ARHGAP42: variants seen among roughly 807,000 people sequenced by gnomAD.
The protein encoded by ARHGAP42 is rho GTPase-activating protein 42.
ARHGAP42 carries 63 observed loss-of-function variants against 125.0 expected under a neutral mutation model. That is an observed-to-expected ratio of 0.50 (90% CI 0.41 to 0.62). The LOEUF (loss-of-function observed/expected upper bound fraction) is 0.62. ARHGAP42 is among the 20% of genes least tolerant of loss of function. The probability of loss-of-function intolerance (pLI) is 0.00; values close to 1 mark genes in which losing one functional copy is unlikely to be tolerated. For synonymous variants in ARHGAP42, 339 were observed against 351.0 expected, an observed-to-expected ratio of 0.97 and a Z score of 0.38; for missense variants, 766 against 1,024.2, an observed-to-expected ratio of 0.75 and a Z score of 3.44.
intron 4 of ARHGAP42, among the ~76,000 whole-genome samples, chr11:100,879,517 A>T (rs1312639343): frequency 6.6e-6 from 1 of 152,214 alleles, no homozygotes; most frequent in Non-Finnish European, 1.5e-5. Flanking sequence ...TCTGTTGGCT[A>T]AAGATAGTAC....
At chr11:100,859,322 A>C (rs1420335775) in intron 3 of ARHGAP42, 2 of 399,462 alleles carry the variant, frequency 5.0e-6, no homozygotes, top group Non-Finnish European at 8.8e-6. Flanking sequence ...ATTTCACCAC[A>C]ACAAGTACTT....
intron 1 of ARHGAP42, among the ~76,000 whole-genome samples, chr11:100,739,260 G>A (rs1200032243): frequency 6.6e-6 from 1 of 151,356 alleles, no homozygotes; most frequent in African/African-American, 2.4e-5. Flanking sequence ...TTGACTTTTG[G>A]TAATTAAAAT....
At chr11:100,700,708 T>C (rs73002002) in intron 1 of ARHGAP42, among the ~76,000 whole-genome samples, 1 of 152,352 alleles carries the variant, frequency 6.6e-6, no homozygotes, top group Non-Finnish European at 1.5e-5. Context: ...TAGGCTCTAC[T>C]GCTAATGCCA....
At chr11:100,780,817 C>A (rs1863294442) in intron 2 of ARHGAP42, among the ~76,000 whole-genome samples, 4 of 152,172 alleles carry the variant, frequency 2.6e-5, no homozygotes, top group African/African-American at 7.2e-5. Flanking sequence ...CATTAAACAA[C>A]CAAAGACGTG....
At chr11:100,855,964 T>C (rs1270919436) in intron 3 of ARHGAP42, among the ~76,000 whole-genome samples, 2 of 152,118 alleles carry the variant, frequency 1.3e-5, no homozygotes, top group African/African-American at 4.8e-5. Flanking sequence ...TTCAATAATT[T>C]ATCTTATCAA....
chr11:100,795,159 G>A lies in ARHGAP42; in HGVS notation c.305G>A (p.Arg102Gln), dbSNP rs1049706895. The change falls in exon 3 of 24, where the codon CGA (arginine) becomes CAA (glutamine). Residue 102 changes from arginine to glutamine, a missense_variant. Around this residue, in one of 3 missense-constraint regions of ARHGAP42, gnomAD observed 455 missense variants for 636.5 expected, o/e 0.71. Coordinates refer to ENST00000298815, the MANE Select transcript of ARHGAP42 (RefSeq NM_152432.4). ...CTCATTGCAGTAGAAGAAGAAAGGC[G>A]AAGACTGGTAAGTCTGTTCTGTATT... ...RLLIAVEEERRRLIQNANDVL... is the reference protein window; with the variant it reads ...RLLIAVEEERQRLIQNANDVL... 7 of 1,539,412 alleles carry A rather than the reference G, an allele frequency of 4.5e-6. No individual in the cohort carries two copies. The highest frequency in any genetic ancestry group is 5.3e-6 in the Non-Finnish European group (6 of 1,140,566).
Position 100,941,864 on chromosome 11 carries a change from A to G in ARHGAP42, c.913A>G (p.Met305Val), listed in dbSNP as rs974555681. ...AACATTTACAATGAGTGTTTCAGAA[A>G]TGAAATCCAGTGGGAAAATGGTGAG... is the stretch of plus-strand genomic sequence containing the variant. The part of the protein sequence containing the change: ...SKTFTMSVSE[M>V]KSSGKMNGLV... Residue 305 changes from methionine to valine, a missense_variant, in exon 9 of 24, where the codon ATG (methionine) becomes GTG (valine). Physicochemically the swap from Met to Val is conservative, Grantham distance 21. Around this residue, in one of 3 missense-constraint regions of ARHGAP42, gnomAD observed 455 missense variants for 636.5 expected, o/e 0.71. Coordinates refer to ENST00000298815, the MANE Select transcript of ARHGAP42 (RefSeq NM_152432.4). 20 of 1,536,004 alleles carry G rather than the reference A, an allele frequency of 1.3e-5. No homozygotes were observed. In the African/African-American group the frequency reaches 1.7e-4, roughly 13 times the overall value.
intron 8 of ARHGAP42, among the ~76,000 whole-genome samples, chr11:100,938,443 C>T (rs931993992): frequency 6.6e-6 from 1 of 152,068 alleles, no homozygotes; most frequent in South Asian, 2.1e-4. Flanking sequence ...TATTTTTCCT[C>T]CCCCAAGACA....
chr11:100,725,596 G>C (rs1023318705), intron 1 of ARHGAP42, among the ~76,000 whole-genome samples: 3 of 151,708 alleles, frequency 2.0e-5, no homozygotes, highest in Non-Finnish European at 4.4e-5. Flanking sequence ...AGTTTGAGCG[G>C]GCAACTGTAT....
intron 4 of ARHGAP42, among the ~76,000 whole-genome samples, chr11:100,913,017 C>T (rs1866966928): frequency 6.6e-6 from 1 of 152,064 alleles, no homozygotes; most frequent in Admixed American, 6.6e-5. Flanking sequence ...GTTCTTTAGA[C>T]ATTATATATT....
At chr11:100,950,584 G>A (rs494451) in intron 12 of ARHGAP42, among the ~76,000 whole-genome samples, 133,670 of 151,470 alleles carry the variant, frequency 0.88, 59,071 homozygotes, top group East Asian at 1. Context: ...TTAGTTTGTA[G>A]CCATTCTTTA....
At chr11:100,910,287 C>A (rs563163081) in intron 4 of ARHGAP42, among the ~76,000 whole-genome samples, 1 of 152,172 alleles carries the variant, frequency 6.6e-6, no homozygotes, top group Non-Finnish European at 1.5e-5. Flanking sequence ...ATACTAAAAA[C>A]AGTACTATGC....
At chr11:100,843,182 T>C (rs1185513814) in intron 3 of ARHGAP42, among the ~76,000 whole-genome samples, 1 of 152,016 alleles carries the variant, frequency 6.6e-6, no homozygotes, top group African/African-American at 2.4e-5. Flanking sequence ...AGGGCTACTA[T>C]GAACACCTTT....
At chr11:100,937,844 C>T (rs1867775426) in intron 8 of ARHGAP42, among the ~76,000 whole-genome samples, 1 of 152,088 alleles carries the variant, frequency 6.6e-6, no homozygotes, top group African/African-American at 2.4e-5. Context: ...TGGTTGGAAC[C>T]ATGGTTTGCC....
chr11:100,869,894 A>G (rs1269867869), intron 4 of ARHGAP42, among the ~76,000 whole-genome samples: 2 of 152,172 alleles, frequency 1.3e-5, no homozygotes, highest in Non-Finnish European at 2.9e-5. Flanking sequence ...TACTTAAGAA[A>G]TGTTTGAAGC....
At chr11:100,707,557 G>A (rs1193112690) in intron 1 of ARHGAP42, among the ~76,000 whole-genome samples, 3 of 152,142 alleles carry the variant, frequency 2.0e-5, no homozygotes, top group Non-Finnish European at 4.4e-5. Context: ...CGAGACAAAA[G>A]CAATGTTTAC....
intron 16 of ARHGAP42, among the ~76,000 whole-genome samples, chr11:100,964,665 G>A (rs986333754): frequency 6.6e-6 from 1 of 152,202 alleles, no homozygotes; most frequent in East Asian, 1.9e-4. Context: ...TGAAATGTTA[G>A]ACATTTCTCC....
intron 22 of ARHGAP42, among the ~76,000 whole-genome samples, chr11:100,979,792 C>G (rs1226923585): frequency 6.6e-6 from 1 of 151,814 alleles, no homozygotes; most frequent in African/African-American, 2.4e-5. Flanking sequence ...ACTTGAATAA[C>G]AAACCTTGAT....
intron 1 of ARHGAP42, among the ~76,000 whole-genome samples, chr11:100,688,357 A>G (rs1337399752): frequency 1.3e-5 from 2 of 152,220 alleles, no homozygotes; most frequent in African/African-American, 2.4e-5. Flanking sequence ...ATAATGGAAG[A>G]CAGCAAGGCA....
Sources: gnomAD v4.1 joint callset for allele counts (sites outside exome capture counted in the v4.1 genomes callset) on GRCh38, gnomAD v4.1.1 for gene constraint, gnomAD v4.1.1 regional missense constraint, MANE v1.5 for transcripts, NCBI Gene and HGNC (gene_info 2026-07-23, HGNC 2026-07-21) for gene names.